The following VCL variants were observed in gnomAD, a reference collection of about 807,000 sequenced individuals.
The protein encoded by VCL is epididymis luminal protein 114.
In VCL, 47 loss-of-function variants were observed where a neutral mutation model predicts 125.7. The observed-to-expected ratio is 0.37, with a 90% CI of 0.30 to 0.48. The LOEUF is 0.48. Among genes scored for constraint, VCL ranks in the 20% least tolerant of loss-of-function variants. The probability of loss-of-function intolerance (pLI) is 0.99; values close to 1 mark genes in which losing one functional copy is unlikely to be tolerated. For synonymous variants in VCL, 458 were observed against 514.6 expected, an observed-to-expected ratio of 0.89 and a Z score of 1.49; for missense variants, 1,069 against 1,455.5, an observed-to-expected ratio of 0.73 and a Z score of 4.32.
chr10:74,056,353 C>A lies in VCL; in HGVS notation c.239+13200C>A, dbSNP rs1395101418. Among the ~76,000 whole-genome samples, 7 of 152,054 alleles carry A rather than the reference C, an allele frequency of 4.6e-5. No individual in the cohort carries two copies. In the South Asian group the frequency reaches 1.2e-3, roughly 27 times the overall value. On this transcript the variant is annotated intron_variant, in intron 2 of 21. Transcript: ENST00000211998. Reference sequence around the variant, plus strand: ...CTTAGCTTTATTGAGATATAATTGACAAATGGAAATTGTATATATTTAAGC... The same window carrying A: ...CTTAGCTTTATTGAGATATAATTGAAAAATGGAAATTGTATATATTTAAGC...
At chr10:74,088,787 A>G (rs1202491409) in intron 8 of VCL, among the ~76,000 whole-genome samples, 1 of 152,234 alleles carries the variant, frequency 6.6e-6, no homozygotes, top group African/African-American at 2.4e-5. Flanking sequence ...TTTTCAATGT[A>G]TACTTGCCCA....
intron 1 of VCL, among the ~76,000 whole-genome samples, chr10:74,003,758 C>T (rs1433895767): frequency 1.1e-4 from 16 of 152,006 alleles, no homozygotes; most frequent in African/African-American, 2.9e-4. Flanking sequence ...GTCGCTCTGT[C>T]GCCCAGGCTG....
chr10:74,101,701 G>A (rs1396593809), intron 14 of VCL, among the ~76,000 whole-genome samples: 5 of 150,542 alleles, frequency 3.3e-5, no homozygotes, highest in South Asian at 2.1e-4. Context: ...GACTACAGGC[G>A]CCCGCCACCG....
rs1839996097 is a variant in VCL, at chr10:74,097,842, G to T, written c.1872+510G>T. On this transcript the variant is annotated intron_variant, in intron 13 of 21. Coordinates refer to ENST00000211998, the MANE Select transcript of VCL (RefSeq NM_014000.3). This position sits in a 1 kb window ranked among gnomAD's most constrained non-coding sequence, Gnocchi z 4.1. The stretch of plus-strand genomic sequence containing the variant: ...TCCCCGCTATCCCAGAGTAAAACCA[G>T]AGTGCTAACAATGAAGAAAATTGCC... Among the ~76,000 whole-genome samples, 1 of 152,148 alleles carries T rather than the reference G, an allele frequency of 6.6e-6. No individual in the cohort carries two copies. The highest frequency in any genetic ancestry group is 2.4e-5 in the African/African-American group (1 of 41,422).
intron 6 of VCL, 36 bp from the exon 7 acceptor site, chr10:74,082,418 T>C: frequency 6.2e-7 from 1 of 1,611,426 alleles, no homozygotes; most frequent in African/African-American, 1.3e-5. Context: ...TCTCAACTTT[T>C]GCAAAGAAAA....
In VCL at chr10:74,074,896, C is replaced by A; in HGVS notation, c.776C>A (p.Ala259Asp). The stretch of plus-strand genomic sequence containing the variant: ...ACCTCTTGGGATGAAGATGCCTGGG[C>A]CAGCAAGGTACGTGTTCTTAGTGGA... ...QLTSWDEDAW[A>D]SKDTEAMKRA... is the part of the protein sequence containing the mutation. Residue 259 changes from alanine (A) to aspartate (D), a missense_variant, in exon 6 of 22, where the codon GCC becomes GAC. By Grantham distance (126) the Ala-to-Asp change is moderately radical. Around this residue, in one of 6 missense-constraint regions of VCL, gnomAD observed 760 missense variants for 928.9 expected, o/e 0.82. Transcript: ENST00000211998. The A allele has an allele frequency of 6.2e-7, 1 of 1,614,082 alleles. No homozygotes were observed. The highest frequency in any genetic ancestry group is 8.5e-7 in the Non-Finnish European group (1 of 1,180,002).
chr10:74,066,519 T>C (rs774883755), intron 2 of VCL, among the ~76,000 whole-genome samples: 6 of 152,086 alleles, frequency 3.9e-5, no homozygotes, highest in Admixed American at 3.3e-4. Context: ...AACAAAAAAT[T>C]GCTTAGGTAT....
At position 74,099,055 on chromosome 10, in the gene VCL, G is replaced by C. The variant is rs556332679; in HGVS notation, c.1872+1723G>C. On this transcript the variant is annotated intron_variant, in intron 13 of 21. Transcript: ENST00000211998. ...TGCCAGAGCTCTAATTATTTTCCTAGTCCCCTAGTCCCCCTAGAGCTATGA... is the reference window on the plus strand; with the variant it reads ...TGCCAGAGCTCTAATTATTTTCCTACTCCCCTAGTCCCCCTAGAGCTATGA... Among the ~76,000 whole-genome samples, 5 of 152,120 alleles carry C rather than the reference G, an allele frequency of 3.3e-5. No individual in the cohort carries two copies. The South Asian group carries it at 1.0e-3, about 32-fold the overall frequency.
intron 8 of VCL, among the ~76,000 whole-genome samples, chr10:74,083,902 T>G (rs931279636): frequency 7.3e-5 from 11 of 151,674 alleles, no homozygotes; most frequent in African/African-American, 2.7e-4. Flanking sequence ...GGAGTCTTAC[T>G]CTGTTGCCAG....
intron 5 of VCL, among the ~76,000 whole-genome samples, chr10:74,073,724 C>T (rs1341320752): frequency 1.3e-5 from 2 of 152,164 alleles, no homozygotes; most frequent in African/African-American, 4.8e-5. Context: ...GCTGCTCTCT[C>T]GACTAGCAAA....
chr10:74,031,713 G>A (rs991816010), intron 1 of VCL, among the ~76,000 whole-genome samples: 2 of 151,930 alleles, frequency 1.3e-5, no homozygotes, highest in East Asian at 3.9e-4. Context: ...GAGCCCAGAA[G>A]TTCGAGATCA....
chr10:74,034,320 C>G (rs1840934372), intron 1 of VCL, among the ~76,000 whole-genome samples: 1 of 152,192 alleles, frequency 6.6e-6, no homozygotes, highest in Admixed American at 6.5e-5. Context: ...CACATCTCCT[C>G]TCTACCCAGT....
intron 2 of VCL, among the ~76,000 whole-genome samples, chr10:74,047,732 G>T (rs1053787991): frequency 2.0e-5 from 3 of 152,130 alleles, no homozygotes; most frequent in African/African-American, 7.2e-5. Context: ...AGATTTTTCA[G>T]GGAAAGATAT....
intron 18 of VCL, among the ~76,000 whole-genome samples, chr10:74,109,893 CT>C (rs1241506121): frequency 6.6e-6 from 1 of 151,912 alleles, no homozygotes; most frequent in Non-Finnish European, 1.5e-5. Flanking sequence ...GACCCTAGAT[CT>C]TTTTTTTAAT....
At chr10:73,999,901 T>C (rs1840195275) in intron 1 of VCL, among the ~76,000 whole-genome samples, 1 of 152,236 alleles carries the variant, frequency 6.6e-6, no homozygotes, top group Non-Finnish European at 1.5e-5. Context: ...TCTTATGTAG[T>C]GTTGTCTAAC....
At position 74,016,312 on chromosome 10, in the gene VCL, T is replaced by C. The variant is rs892610090; in HGVS notation, c.168+17937T>C. 3.3e-4 allele frequency among the ~76,000 whole-genome samples: 51 copies of C among 152,280 alleles called. 1 individual carries two copies. Among genetic ancestry groups the C allele is most frequent in the Admixed American group, 5.2e-4 (8 of 15,300 alleles). On this transcript the variant is annotated intron_variant, in intron 1 of 21. Coordinates refer to ENST00000211998, the MANE Select transcript of VCL (RefSeq NM_014000.3). Reference sequence around the variant, plus strand: ...TACCAGAGAGAGAATAGCAAGGCACTTTTAAAATCTGGTGAAGGCTGGGTA... The same window carrying C: ...TACCAGAGAGAGAATAGCAAGGCACCTTTAAAATCTGGTGAAGGCTGGGTA...
chr10:74,002,089 AGTGTGAT>A (rs1840236209), intron 1 of VCL, among the ~76,000 whole-genome samples: 2 of 152,186 alleles, frequency 1.3e-5, no homozygotes, highest in African/African-American at 4.8e-5. Context: ...CAAAGCAATA[AGTGTGAT>A]GCCTGTCACA....
intron 2 of VCL, among the ~76,000 whole-genome samples, chr10:74,066,219 C>T (rs1841568055): frequency 6.6e-6 from 1 of 152,002 alleles, no homozygotes; most frequent in African/African-American, 2.4e-5. Context: ...GCCACCACGC[C>T]CAGCAAATTT....
intron 2 of VCL, among the ~76,000 whole-genome samples, chr10:74,067,237 T>C (rs1045928471): frequency 2.6e-5 from 4 of 152,194 alleles, no homozygotes; most frequent in Admixed American, 2.0e-4. Flanking sequence ...ATGGGCCTAA[T>C]TGAATAGACA....
Sources: gnomAD v4.1 joint callset for allele counts (sites outside exome capture counted in the v4.1 genomes callset) on GRCh38, gnomAD v4.1.1 for gene constraint, gnomAD v4.1.1 regional missense constraint, Gnocchi (gnomAD v3.1) non-coding constraint, MANE v1.5 for transcripts, NCBI Gene and HGNC (gene_info 2026-07-23, HGNC 2026-07-21) for gene names.